The following VASH1 variants were observed in gnomAD, a reference collection of about 807,000 sequenced individuals.
The protein encoded by VASH1 is vasohibin 1.
VASH1 carries 16 observed loss-of-function variants against 35.0 expected under a neutral mutation model. The observed-to-expected ratio is 0.46, with a 90% CI of 0.31 to 0.70. VASH1 has a LOEUF of 0.70. Ranked by LOEUF, VASH1 falls within the 30% of genes least tolerant of loss-of-function variation. The pLI is 0.05. For missense variants in VASH1, 505 were observed against 510.7 expected, an observed-to-expected ratio of 0.99 and a Z score of 0.11; for synonymous variants, 214 against 200.9, an observed-to-expected ratio of 1.07 and a Z score of -0.55.
rs1408286904 is a variant in VASH1, at chr14:76,782,232, A to AC, written c.*3218dup. 2 of 152,236 alleles carry AC rather than the reference A, an allele frequency of 1.3e-5. No individual in the cohort carries two copies. The highest frequency in any genetic ancestry group is 2.9e-5 in the Non-Finnish European group (2 of 68,160). The allele number at this position is 152,236 out of a possible 1,614,324, so 9.4% of individuals were successfully genotyped here. ...GTTCCCCTCACCCATCATGCCAGCC[A>AC]CCCCTATCCCTCTTCTAGCAGGGCC... On this transcript the variant is annotated 3_prime_UTR_variant, in exon 7 of 7. Transcript: ENST00000167106.
rs1407937854 is a variant in VASH1 at position 76,780,416 on chromosome 14, G to A, written c.*1398G>A. 6 of 152,338 alleles carry A rather than the reference G, an allele frequency of 3.9e-5. No homozygotes were observed. The highest frequency in any genetic ancestry group is 1.2e-4 in the African/African-American group (5 of 41,438). 9.4% of individuals were successfully genotyped at this position (152,338 alleles called of 1,614,324 possible). On this transcript the variant is annotated 3_prime_UTR_variant, in exon 7 of 7. Coordinates refer to ENST00000167106, the MANE Select transcript of VASH1 (RefSeq NM_014909.5). Reference sequence around the variant, plus strand: ...GGATTCAGATTGTGGAAGGGTAAACGGATGAGATGACCATTAAGGTTTTGT... The same window carrying A: ...GGATTCAGATTGTGGAAGGGTAAACAGATGAGATGACCATTAAGGTTTTGT...
chr14:76,781,832 C>G lies in VASH1; in HGVS notation c.*2814C>G, dbSNP rs1566690634. 1 of 153,078 alleles carries G rather than the reference C, an allele frequency of 6.5e-6. No individual in the cohort carries two copies. Among genetic ancestry groups the G allele is most frequent in the Non-Finnish European group, 1.5e-5 (1 of 68,426 alleles). The allele number at this position is 153,078 out of a possible 1,614,324, so 9.5% of individuals were successfully genotyped here. A position where few individuals can be genotyped will look rare whatever the true frequency, so the allele number is the denominator to read the frequency against. On this transcript the variant is annotated 3_prime_UTR_variant, in exon 7 of 7. Transcript: ENST00000167106. ...ACACAGGCTCTGCTCTGGGGGCTGG[C>G]CTGGCTGTGAGGTTTCTGGGGAGGC... is the stretch of plus-strand genomic sequence containing the variant.
intron 1 of VASH1, 77 bp downstream of exon 1, chr14:76,763,207 C>G (rs1893552530): frequency 3.1e-6 from 4 of 1,310,430 alleles, no homozygotes; most frequent in African/African-American, 3.0e-5. Context: ...AAGCCACACT[C>G]TCCTCCCACG....
chr14:76,770,084 T>C (rs1251972893), intron 2 of VASH1, 33 bp downstream of exon 2: 1 of 1,590,488 alleles, frequency 6.3e-7, no homozygotes, highest in East Asian at 2.2e-5. Context: ...ATGGCCACCT[T>C]CTGGCCGGTG....
rs1256485266 is a variant in VASH1 at position 76,779,059 on chromosome 14, C to T, written c.*41C>T. ...CCCAGGCCCCACCCACTCTTGGGGG[C>T]CAGGATCCACCTGCTGGAACCAGCC... On this transcript the variant is annotated 3_prime_UTR_variant, in exon 7 of 7. Transcript: ENST00000167106. The T allele has an allele frequency of 6.2e-7, 1 of 1,600,616 alleles. No homozygotes were observed. The highest frequency in any genetic ancestry group is 8.6e-7 in the Non-Finnish European group (1 of 1,169,166).
intron 1 of VASH1, among the ~76,000 whole-genome samples, chr14:76,768,858 GGGACCTC>G (rs1893715271): frequency 6.6e-6 from 1 of 152,310 alleles, no homozygotes; most frequent in East Asian, 1.9e-4. Context: ...GGCAGGGGGT[GGGACCTC>G]TCTATGTGGG....
In VASH1 at chr14:76,776,166, A is replaced by G. The variant is rs1893935225; in HGVS notation, c.805A>G (p.Ser269Gly). ...LGQSVSHDPH[S>G]VEQIEWKHSV... ...CCAGAGCGTGTCACACGACCCGCAC[A>G]GCGTGGAGCAGATCGAGTGGAAGCA... The change falls in exon 5 of 7, where the codon AGC (serine) becomes GGC (glycine). Residue 269 changes from serine to glycine, a missense_variant. Physicochemically the swap from Ser to Gly is moderately conservative, Grantham distance 56 (BLOSUM62 0). Coordinates refer to ENST00000167106, the MANE Select transcript of VASH1 (RefSeq NM_014909.5). 6.2e-7 allele frequency: 1 copy of G among 1,610,782 alleles called. No homozygotes were observed. Among genetic ancestry groups the G allele is most frequent in the Non-Finnish European group, 8.5e-7 (1 of 1,179,802 alleles).
intron 6 of VASH1, 39 bp downstream of exon 6, chr14:76,778,110 T>A (rs1355889915): frequency 2.2e-6 from 3 of 1,360,648 alleles, no homozygotes; most frequent in Admixed American, 7.7e-5. Context: ...CCAAAGAGGG[T>A]TTTTTTCCTT....
chr14:76,779,830 A>T lies in VASH1; in HGVS notation c.*812A>T, dbSNP rs1413892634. 1 of 416,914 alleles carries T rather than the reference A, an allele frequency of 2.4e-6. No homozygotes were observed. Among genetic ancestry groups the T allele is most frequent in the Admixed American group, 4.1e-5 (1 of 24,330 alleles). The allele number at this position is 416,914 out of a possible 1,614,324, so 25.8% of individuals were successfully genotyped here. A position where few individuals can be genotyped will look rare whatever the true frequency, so the allele number is the denominator to read the frequency against. ...GGCTTGGCGGAGGACCCAGAATGGC[A>T]CTGAGGCCAGCATGGCTGTGGGAGT... On this transcript the variant is annotated 3_prime_UTR_variant, in exon 7 of 7. Coordinates refer to ENST00000167106, the MANE Select transcript of VASH1 (RefSeq NM_014909.5).
At chr14:76,769,615 A>G (rs542226049) in intron 1 of VASH1, 2 of 541,918 alleles carry the variant, frequency 3.7e-6, no homozygotes, top group African/African-American at 4.0e-5. Flanking sequence ...AATAACCCCA[A>G]TATTATATTC....
intron 1 of VASH1, among the ~76,000 whole-genome samples, chr14:76,767,550 G>A (rs778122313): frequency 3.9e-5 from 6 of 152,134 alleles, no homozygotes; most frequent in Non-Finnish European, 5.9e-5. Flanking sequence ...GGGAGATCTG[G>A]TGGCTATACC....
chr14:76,764,657 A>G (rs760864736), intron 1 of VASH1, among the ~76,000 whole-genome samples: 2 of 151,058 alleles, frequency 1.3e-5, no homozygotes, highest in Non-Finnish European at 2.9e-5. Flanking sequence ...AAAGCCCCAA[A>G]CCAGTACCTG....
intron 4 of VASH1, chr14:76,773,550 T>G (rs1270717053): frequency 2.5e-6 from 1 of 393,220 alleles, no homozygotes; most frequent in Non-Finnish European, 4.5e-6. Context: ...AACTAGACAG[T>G]CTGGGAGGCA....
intron 4 of VASH1, chr14:76,773,990 C>T (rs1371093895): frequency 6.6e-6 from 1 of 152,292 alleles, no homozygotes; most frequent in African/African-American, 2.4e-5. Flanking sequence ...TCCACCCTGC[C>T]CGTATTCTTT....
intron 1 of VASH1, chr14:76,769,187 A>C: frequency 1.2e-6 from 1 of 854,610 alleles, no homozygotes; most frequent in Non-Finnish European, 1.4e-6. Flanking sequence ...AGGCATCGGG[A>C]AACACTGCCT....
chr14:76,778,811 G>A (rs1019453517), intron 6 of VASH1, 135 bp from the exon 7 acceptor site: 13 of 843,246 alleles, frequency 1.5e-5, no homozygotes, highest in Middle Eastern at 2.2e-4. Flanking sequence ...ACTTCCATAC[G>A]CACTGTGCTG....
At chr14:76,769,164 C>A in intron 1 of VASH1, 1 of 626,070 alleles carries the variant, frequency 1.6e-6, no homozygotes, top group Non-Finnish European at 2.0e-6. Flanking sequence ...CCCCCAGCAG[C>A]CTCCAGGCTC....
In VASH1 at chr14:76,767,549, G is replaced by C. The variant is rs536068507; in HGVS notation, c.310-2414G>C. On this transcript the variant is annotated intron_variant, in intron 1 of 6. Coordinates refer to ENST00000167106, the MANE Select transcript of VASH1 (RefSeq NM_014909.5). ...GGAGGAGTGCTCCCTGGGGAGATCTGGTGGCTATACCACTCCCCCTTACCG... is the reference window on the plus strand; with the variant it reads ...GGAGGAGTGCTCCCTGGGGAGATCTCGTGGCTATACCACTCCCCCTTACCG... 3.9e-5 allele frequency among the ~76,000 whole-genome samples: 6 copies of C among 152,236 alleles called. No individual in the cohort carries two copies. The East Asian group carries it at 1.2e-3, about 29-fold the overall frequency.
chr14:76,778,628 TTTTATC>T (rs1894012354), intron 6 of VASH1, among the ~76,000 whole-genome samples: 1 of 152,222 alleles, frequency 6.6e-6, no homozygotes, highest in Non-Finnish European at 1.5e-5. Flanking sequence ...CATCTGTGAC[TTTTATC>T]TAAGAGGCTT....
Sources: gnomAD v4.1 joint callset for allele counts (sites outside exome capture counted in the v4.1 genomes callset) on GRCh38, gnomAD v4.1.1 for gene constraint, MANE v1.5 for transcripts, NCBI Gene and HGNC (gene_info 2026-07-23, HGNC 2026-07-21) for gene names.